RARB: variants seen among roughly 807,000 people sequenced by gnomAD.
RARB encodes retinoic acid receptor beta, also known as HBV-activated protein.
In RARB, 17 loss-of-function variants were observed where a neutral mutation model predicts 51.9. The observed-to-expected ratio is 0.33, with a 90% CI of 0.22 to 0.49. RARB has a LOEUF of 0.49. Ranked by LOEUF, RARB falls within the 20% of genes least tolerant of loss-of-function variation. The pLI, the probability that RARB is intolerant of heterozygous loss-of-function variation, is 0.99. For synonymous variants in RARB, 215 were observed against 195.4 expected, an observed-to-expected ratio of 1.10 and a Z score of -0.84; for missense variants, 369 against 550.8, an observed-to-expected ratio of 0.67 and a Z score of 3.30.
chr3:25,024,807 G>C (rs1697708487), intron 2 of RARB, among the ~76,000 whole-genome samples: 1 of 151,854 alleles, frequency 6.6e-6, no homozygotes, highest in African/African-American at 2.4e-5. Context: ...ACAAAAATTG[G>C]CTGGGCGTGG....
At chr3:25,139,272 C>A (rs1366171059) in intron 4 of RARB, among the ~76,000 whole-genome samples, 1 of 152,042 alleles carries the variant, frequency 6.6e-6, no homozygotes, top group East Asian at 1.9e-4. Flanking sequence ...GTGAAGAAAG[C>A]CAAAAGAGGC....
At chr3:25,529,154 A>G (rs576538699) in intron 3 of RARB, among the ~76,000 whole-genome samples, 1 of 152,240 alleles carries the variant, frequency 6.6e-6, no homozygotes, top group South Asian at 2.1e-4. Flanking sequence ...AGCATTAGTT[A>G]GTAAAGTGAA....
At chr3:24,870,274 AC>A (rs1702923009) in intron 2 of RARB, among the ~76,000 whole-genome samples, 1 of 152,066 alleles carries the variant, frequency 6.6e-6, no homozygotes, top group Non-Finnish European at 1.5e-5. Context: ...TTTCCTATGA[AC>A]ATCTTTAAAT....
intron 2 of RARB, among the ~76,000 whole-genome samples, chr3:25,499,658 GTT>G (rs551207813): frequency 0.011 from 434 of 40,082 alleles, 1 homozygote; most frequent in Middle Eastern, 0.057. Flanking sequence ...TCTTTCAAGT[GTT>G]TGTTTAGTAA....
At chr3:25,558,722 A>G (rs1411467873) in intron 3 of RARB, among the ~76,000 whole-genome samples, 1 of 151,958 alleles carries the variant, frequency 6.6e-6, no homozygotes, top group African/African-American at 2.4e-5. Flanking sequence ...AACCAAATTC[A>G]TCATATTCCT....
At chr3:25,280,080 A>G (rs961187868) in intron 5 of RARB, among the ~76,000 whole-genome samples, 1 of 152,210 alleles carries the variant, frequency 6.6e-6, no homozygotes, top group Admixed American at 6.5e-5. Flanking sequence ...TATGTGACAC[A>G]GGAGCCTTCA....
At chr3:25,325,068 G>A (rs1479911234) in intron 5 of RARB, among the ~76,000 whole-genome samples, 1 of 152,196 alleles carries the variant, frequency 6.6e-6, no homozygotes, top group Non-Finnish European at 1.5e-5. Flanking sequence ...GCTAGACTAA[G>A]GATACTTAGT....
At chr3:25,097,751 C>T (rs1006835733) in intron 3 of RARB, among the ~76,000 whole-genome samples, 3 of 152,128 alleles carry the variant, frequency 2.0e-5, no homozygotes, top group African/African-American at 7.2e-5. Context: ...CCTCACTGCC[C>T]TCACCTCCTC....
intron 2 of RARB, among the ~76,000 whole-genome samples, chr3:24,959,716 G>A (rs1696097878): frequency 6.6e-6 from 1 of 152,136 alleles, no homozygotes; most frequent in Non-Finnish European, 1.5e-5. Context: ...AAAGCCAGAG[G>A]ATAATTGACA....
chr3:25,113,091 C>T (rs1195857152), intron 3 of RARB, among the ~76,000 whole-genome samples: 1 of 152,094 alleles, frequency 6.6e-6, no homozygotes, highest in African/African-American at 2.4e-5. Context: ...AGTTATCTGT[C>T]ATTTGCTTTA....
intron 5 of RARB, among the ~76,000 whole-genome samples, chr3:25,188,854 T>C (rs1297297916): frequency 6.6e-6 from 1 of 152,166 alleles, no homozygotes; most frequent in Non-Finnish European, 1.5e-5. Context: ...AAAAATTATA[T>C]GTGTAACTTT....
At chr3:25,115,974 A>G (rs1030113757) in intron 3 of RARB, among the ~76,000 whole-genome samples, 3 of 152,150 alleles carry the variant, frequency 2.0e-5, no homozygotes, top group African/African-American at 7.2e-5. Context: ...ATCATTAAGA[A>G]GAATCCTGAG....
intron 5 of RARB, among the ~76,000 whole-genome samples, chr3:25,248,248 A>C (rs149272398): frequency 5.7e-4 from 86 of 152,082 alleles, no homozygotes; most frequent in African/African-American, 1.9e-3. Flanking sequence ...CTTTACTTTC[A>C]ATCTATATGT....
chr3:25,524,083 G>A (rs1411866572), intron 3 of RARB, among the ~76,000 whole-genome samples: 1 of 152,188 alleles, frequency 6.6e-6, no homozygotes, highest in African/African-American at 2.4e-5. Flanking sequence ...CAGCTAGGAA[G>A]GAATTTGTTT....
At chr3:25,245,628 GC>G (rs941873610) in intron 5 of RARB, among the ~76,000 whole-genome samples, 1 of 152,082 alleles carries the variant, frequency 6.6e-6, no homozygotes, top group Non-Finnish European at 1.5e-5. Flanking sequence ...TTGAATATTG[GC>G]CCCCACTCTC....
chr3:25,489,841 T>G (rs1696642358), intron 2 of RARB, among the ~76,000 whole-genome samples: 2 of 152,222 alleles, frequency 1.3e-5, no homozygotes. Context: ...TGAGCAACTT[T>G]GAGGGGCAGG....
intron 2 of RARB, among the ~76,000 whole-genome samples, chr3:24,861,605 A>C (rs1456126860): frequency 1.3e-5 from 2 of 152,090 alleles, no homozygotes; most frequent in Non-Finnish European, 2.9e-5. Context: ...AAAAAAAAAA[A>C]AAAAAAAAAA....
At chr3:25,221,054 C>A (rs1559511163) in intron 5 of RARB, among the ~76,000 whole-genome samples, 1 of 152,008 alleles carries the variant, frequency 6.6e-6, no homozygotes, top group Non-Finnish European at 1.5e-5. Context: ...CAAATCTATT[C>A]TTTCTTACTT....
intron 5 of RARB, among the ~76,000 whole-genome samples, chr3:25,356,052 TGTA>T (rs1427620603): frequency 6.6e-6 from 1 of 152,172 alleles, no homozygotes; most frequent in Non-Finnish European, 1.5e-5. Flanking sequence ...AGAAAGGAGA[TGTA>T]GTAAAGATCG....
Sources: allele counts gnomAD v4.1 joint callset (sites outside exome capture counted in the v4.1 genomes callset), GRCh38; gene constraint gnomAD v4.1.1; transcripts MANE v1.5; gene names NCBI Gene and HGNC (gene_info 2026-07-23, HGNC 2026-07-21).